MTMR3: variants seen among roughly 807,000 people sequenced by gnomAD.
MTMR3 encodes the protein phosphatidylinositol-3,5-bisphosphate 3-phosphatase MTMR3.
A neutral mutation model predicts 132.4 loss-of-function variants in MTMR3; 32 were observed. The observed-to-expected ratio is 0.24, with a 90% CI of 0.18 to 0.32. The LOEUF (loss-of-function observed/expected upper bound fraction) is 0.32. MTMR3 is among the 10% of genes least tolerant of loss of function. MTMR3 has a pLI of 1.00. For missense variants in MTMR3, 1,216 were observed against 1,489.6 expected, an observed-to-expected ratio of 0.82 and a Z score of 3.02; for synonymous variants, 556 against 550.3, an observed-to-expected ratio of 1.01 and a Z score of -0.14.
chr22:29,993,310 T>C (rs945974376), intron 7 of MTMR3: 1 of 152,228 alleles, frequency 6.6e-6, no homozygotes, highest in Non-Finnish European at 1.5e-5. Flanking sequence ...TTTTCATTTT[T>C]TATGGCTCTT....
At chr22:30,010,437 A>G (rs1241522823) in intron 12 of MTMR3, 3 of 152,364 alleles carry the variant, frequency 2.0e-5, no homozygotes, top group East Asian at 3.9e-4. Context: ...GCAAATCATA[A>G]TGCTGCACTG....
At chr22:29,972,940 T>C (rs952141552) in intron 3 of MTMR3, among the ~76,000 whole-genome samples, 3 of 151,834 alleles carry the variant, frequency 2.0e-5, no homozygotes, top group African/African-American at 4.8e-5. Flanking sequence ...ATAAAATAAT[T>C]AAGTTTCTAT....
At chr22:29,994,246 C>A (rs2067017374) in intron 7 of MTMR3, 5 of 566,746 alleles carry the variant, frequency 8.8e-6, no homozygotes, top group Non-Finnish European at 1.1e-5. Flanking sequence ...ATACACAGTC[C>A]ACATTGATGT....
At chr22:29,933,220 G>A (rs1350115303) in intron 1 of MTMR3, among the ~76,000 whole-genome samples, 5 of 151,898 alleles carry the variant, frequency 3.3e-5, no homozygotes, top group South Asian at 2.1e-4. Flanking sequence ...CACCTGCCTC[G>A]GCCTCCCAAA....
At chr22:29,899,601 C>T (rs1027954593) in intron 1 of MTMR3, 2 of 152,146 alleles carry the variant, frequency 1.3e-5, no homozygotes, top group Non-Finnish European at 2.9e-5. Context: ...AGATGGAAAG[C>T]CTCACCAATT....
intron 1 of MTMR3, among the ~76,000 whole-genome samples, chr22:29,918,989 C>T (rs1433690149): frequency 6.6e-6 from 1 of 152,168 alleles, no homozygotes; most frequent in East Asian, 1.9e-4. Context: ...CAAGTGATCT[C>T]CTGCCTTGGC....
At chr22:29,948,208 A>G (rs1051210002) in intron 1 of MTMR3, among the ~76,000 whole-genome samples, 1 of 152,218 alleles carries the variant, frequency 6.6e-6, no homozygotes, top group Admixed American at 6.5e-5. Flanking sequence ...TAAAAATTCA[A>G]ATCTGTTCCT....
chr22:29,942,380 A>G (rs1324144707), intron 1 of MTMR3, among the ~76,000 whole-genome samples: 2 of 152,216 alleles, frequency 1.3e-5, no homozygotes, highest in African/African-American at 2.4e-5. Context: ...AAATGGAGGC[A>G]GGGCGAGATC....
chr22:30,021,549 C>T (rs1455992269), intron 17 of MTMR3: 1 of 163,726 alleles, frequency 6.1e-6, no homozygotes, highest in Non-Finnish European at 1.3e-5. Context: ...GGTCAGCGTA[C>T]ATTAAAGGCG....
In MTMR3 at chr22:30,007,178, C is replaced by A; in HGVS notation, c.736C>A (p.Arg246=). ...GQPEVSWWGW[R]NADDEHLVQS... ...GCCAGAGGTTAGCTGGTGGGGCTGG[C>A]GAAATGCAGATGATGAGCATCTGGT... Residue 246 remains arginine (R), a synonymous_variant, in exon 10 of 20, where the codon CGA becomes AGA. Coordinates refer to ENST00000401950, the MANE Select transcript of MTMR3 (RefSeq NM_021090.4). 6.2e-7 allele frequency: 1 copy of A among 1,614,032 alleles called. No individual in the cohort carries two copies. The highest frequency in any genetic ancestry group is 8.5e-7 in the Non-Finnish European group (1 of 1,180,002).
At chr22:29,925,404 A>G (rs2065495882) in intron 1 of MTMR3, among the ~76,000 whole-genome samples, 1 of 152,188 alleles carries the variant, frequency 6.6e-6, no homozygotes, top group African/African-American at 2.4e-5. Flanking sequence ...GGTAGCTTGC[A>G]AACAGCCTAA....
chr22:29,983,786 T>TG (rs1466210499), intron 5 of MTMR3: 1 of 152,094 alleles, frequency 6.6e-6, no homozygotes, highest in Non-Finnish European at 1.5e-5. Flanking sequence ...TACAGACACA[T>TG]GCCACCGCGT....
Position 30,019,483 on chromosome 22 carries a change from A to G in MTMR3, c.1824A>G (p.Leu608=), listed in dbSNP as rs1324537043. The change falls in exon 17 of 20, where the codon CTA becomes CTG. Residue 608 remains leucine (L), a synonymous_variant. Transcript: ENST00000401950. The part of the protein sequence containing the change: ...TSPDDPPLSR[L]PKTRSYDNLT... ...CCCCCAAATTCCTTTCCTTTAGGCT[A>G]CCAAAGACTAGATCATACGACAATC... The G allele has an allele frequency of 7.5e-6, 12 of 1,596,760 alleles. No individual in the cohort carries two copies. The highest frequency in any genetic ancestry group is 1.3e-5 in the African/African-American group (1 of 74,792).
chr22:29,976,992 TAA>T (rs759965201), intron 3 of MTMR3, among the ~76,000 whole-genome samples: 3 of 152,112 alleles, frequency 2.0e-5, no homozygotes, highest in Non-Finnish European at 4.4e-5. Flanking sequence ...TTTGCTCTTT[TAA>T]AAATTGCTGT....
intron 8 of MTMR3, chr22:30,000,314 A>G (rs1322566473): frequency 2.0e-5 from 3 of 151,546 alleles, no homozygotes; most frequent in Non-Finnish European, 2.9e-5. Flanking sequence ...ACAAAAAATT[A>G]CCCGGGCATG....
At chr22:29,920,771 A>G (rs1449703740) in intron 1 of MTMR3, among the ~76,000 whole-genome samples, 1 of 152,042 alleles carries the variant, frequency 6.6e-6, no homozygotes, top group Non-Finnish European at 1.5e-5. Context: ...ATACTGACCA[A>G]ATATAAAAGA....
intron 1 of MTMR3, among the ~76,000 whole-genome samples, chr22:29,891,298 T>C (rs1006991892): frequency 6.8e-6 from 1 of 146,536 alleles, no homozygotes; most frequent in Non-Finnish European, 1.5e-5. Context: ...CTCCTGGAGG[T>C]ATGCGTGTGC....
intron 1 of MTMR3, among the ~76,000 whole-genome samples, chr22:29,906,274 GTCTGTCTGTCTGTCTATCTATCTATCTA>G (rs1394231920): frequency 2.0e-3 from 252 of 123,050 alleles, no homozygotes; most frequent in Middle Eastern, 3.8e-3. Context: ...CTGTCTGTCT[GTCTGTCTGTCTGTCTATCTATCTATCTA>G]TCTATCTATC....
intron 12 of MTMR3, chr22:30,009,924 C>G (rs1170408761): frequency 6.6e-6 from 1 of 152,282 alleles, no homozygotes; most frequent in East Asian, 1.9e-4. Flanking sequence ...ATGATCACAT[C>G]AAGTTTTACT....
Sources: allele counts gnomAD v4.1 joint callset (sites outside exome capture counted in the v4.1 genomes callset), GRCh38; gene constraint gnomAD v4.1.1; transcripts MANE v1.5; gene names NCBI Gene and HGNC (gene_info 2026-07-23, HGNC 2026-07-21).